The following PTK2B variants were observed in gnomAD, a reference collection of about 807,000 sequenced individuals.
PTK2B encodes the protein protein-tyrosine kinase 2-beta.
A neutral mutation model predicts 142.9 loss-of-function variants in PTK2B; 71 were observed. The observed-to-expected ratio is 0.50, with a 90% CI of 0.41 to 0.61. PTK2B has a LOEUF of 0.61. Among genes scored for constraint, PTK2B ranks in the 20% least tolerant of loss-of-function variants. PTK2B has a pLI of 0.00. For missense variants in PTK2B, 1,105 were observed against 1,320.4 expected (o/e 0.84, Z 2.53); for synonymous variants, 519 against 503.4 (o/e 1.03, Z -0.42).
chr8:27,365,336 A>C (rs1200956503), intron 1 of PTK2B, among the ~76,000 whole-genome samples: 1 of 152,222 alleles, frequency 6.6e-6, no homozygotes, highest in Non-Finnish European at 1.5e-5. Context: ...TGTTTGTTGA[A>C]TTGATTGTAG....
intron 24 of PTK2B, among the ~76,000 whole-genome samples, chr8:27,446,754 A>T (rs532293731): frequency 6.6e-6 from 1 of 152,198 alleles, no homozygotes; most frequent in Admixed American, 6.5e-5. Context: ...AAAAAATTAG[A>T]TGTTTATCAT....
intron 1 of PTK2B, among the ~76,000 whole-genome samples, chr8:27,337,140 CT>C: frequency 6.6e-6 from 1 of 151,400 alleles, no homozygotes; most frequent in East Asian, 2.0e-4. Context: ...ACCATCACCG[CT>C]TTTTTTCTTT....
At chr8:27,353,402 G>T (rs1464180368) in intron 1 of PTK2B, among the ~76,000 whole-genome samples, 1 of 152,138 alleles carries the variant, frequency 6.6e-6, no homozygotes, top group African/African-American at 2.4e-5. Flanking sequence ...AGGGTGCATT[G>T]CTTACCAATC....
At chr8:27,318,992 A>G (rs1040445087) in intron 3 of PTK2B, among the ~76,000 whole-genome samples, 1 of 152,096 alleles carries the variant, frequency 6.6e-6, no homozygotes, top group Non-Finnish European at 1.5e-5. Flanking sequence ...AATGCTCTTC[A>G]GTGTTTTCCA....
At chr8:27,437,612 C>T in intron 17 of PTK2B, 116 bp downstream of exon 17, 1 of 1,203,672 alleles carries the variant, frequency 8.3e-7, no homozygotes, top group Non-Finnish European at 1.2e-6. Flanking sequence ...GCCAGAGGCC[C>T]TGTTTGTCAA....
At chr8:27,315,669 C>G (rs1803079829) in intron 3 of PTK2B, among the ~76,000 whole-genome samples, 1 of 151,368 alleles carries the variant, frequency 6.6e-6, no homozygotes, top group Admixed American at 6.6e-5. Flanking sequence ...GGCCACAAAT[C>G]AAAAACAAGA....
chr8:27,335,636 G>A (rs1045902561), intron 1 of PTK2B, among the ~76,000 whole-genome samples: 4 of 150,732 alleles, frequency 2.7e-5, no homozygotes, highest in Non-Finnish European at 4.4e-5. Context: ...AATGCTTTCT[G>A]CACCCAACAC....
chr8:27,342,289 CT>C (rs111449065), intron 1 of PTK2B, among the ~76,000 whole-genome samples: 2,545 of 145,838 alleles, frequency 0.017, 72 homozygotes, highest in African/African-American at 0.058. Flanking sequence ...TACTTTGTTC[CT>C]TTTTTTTTTT....
intron 2 of PTK2B, among the ~76,000 whole-genome samples, chr8:27,413,980 C>A (rs1809224858): frequency 6.6e-6 from 1 of 152,208 alleles, no homozygotes; most frequent in Admixed American, 6.5e-5. Flanking sequence ...TCATTCCTAT[C>A]ATATATTTTA....
chr8:27,431,105 A>T (rs561512234), intron 8 of PTK2B, 89 bp downstream of exon 8: 2 of 1,529,234 alleles, frequency 1.3e-6, no homozygotes, highest in African/African-American at 2.7e-5. Context: ...AGAGGCTGCA[A>T]TCGCTGCAGA....
chr8:27,447,782 C>T (rs974715408), intron 24 of PTK2B, among the ~76,000 whole-genome samples: 1 of 152,166 alleles, frequency 6.6e-6, no homozygotes, highest in Non-Finnish European at 1.5e-5. Context: ...TCACTTGAAC[C>T]TGGGAGGCAG....
intron 9 of PTK2B, 84 bp downstream of exon 9, chr8:27,431,556 C>A: frequency 6.5e-7 from 1 of 1,541,762 alleles, no homozygotes. Context: ...TCTGCCCCTT[C>A]AGTTCTTCTT....
At chr8:27,346,241 G>T (rs1197769904) in intron 1 of PTK2B, among the ~76,000 whole-genome samples, 2 of 152,192 alleles carry the variant, frequency 1.3e-5, no homozygotes, top group East Asian at 1.9e-4. Flanking sequence ...TTTCTTAAAA[G>T]TACTTGCTTT....
At chr8:27,327,053 G>A (rs1045287700) in intron 1 of PTK2B, among the ~76,000 whole-genome samples, 1 of 152,156 alleles carries the variant, frequency 6.6e-6, no homozygotes, top group Admixed American at 6.5e-5. Flanking sequence ...ACTCCAAATT[G>A]AGAGCTGAAG....
At chr8:27,430,340 C>G (rs1481938509) in intron 6 of PTK2B, 24 bp from the exon 7 acceptor site, 3 of 1,613,984 alleles carry the variant, frequency 1.9e-6, no homozygotes, top group Non-Finnish European at 2.5e-6. Flanking sequence ...GAGTCACATG[C>G]TGCCTTTTTC....
intron 3 of PTK2B, among the ~76,000 whole-genome samples, chr8:27,316,225 G>A (rs1414968894): frequency 6.6e-6 from 1 of 151,868 alleles, no homozygotes; most frequent in Non-Finnish European, 1.5e-5. Context: ...ATTTGTGTAA[G>A]GAATAACTTT....
chr8:27,437,306 T>C (rs6996922), intron 16 of PTK2B, 90 bp from the exon 17 acceptor site: 1,315,298 of 1,544,412 alleles, frequency 0.85, 562,934 homozygotes, highest in Middle Eastern at 0.93. Context: ...GAGGAGGGGT[T>C]CCCGTCCTCC....
intron 28 of PTK2B, among the ~76,000 whole-genome samples, chr8:27,453,371 C>G (rs1479939337): frequency 6.6e-6 from 1 of 152,212 alleles, no homozygotes; most frequent in African/African-American, 2.4e-5. Flanking sequence ...AAGAACCAAT[C>G]TCCCACTCTC....
At chr8:27,350,512 C>T (rs1185463722) in intron 1 of PTK2B, among the ~76,000 whole-genome samples, 1 of 152,158 alleles carries the variant, frequency 6.6e-6, no homozygotes. Context: ...GGTGCAACCC[C>T]ACTCAGGGAC....
Sources: gnomAD v4.1 joint callset for allele counts (sites outside exome capture counted in the v4.1 genomes callset) on GRCh38, gnomAD v4.1.1 for gene constraint, MANE v1.5 for transcripts, NCBI Gene and HGNC (gene_info 2026-07-23, HGNC 2026-07-21) for gene names.